The following TBC1D2 variants were observed in gnomAD, a reference collection of about 807,000 sequenced individuals.
TBC1D2 encodes the protein TBC1 domain family member 2A.
Under a neutral mutation model 91.1 loss-of-function variants are expected in TBC1D2, and 58 were observed. The ratio of observed to expected loss-of-function variants is 0.64; its 90% CI spans 0.52 to 0.79. The LOEUF (loss-of-function observed/expected upper bound fraction) is 0.79. Among genes scored for constraint, TBC1D2 ranks in the 30% least tolerant of loss-of-function variants. The probability of loss-of-function intolerance (pLI) is 0.00; values close to 1 mark genes in which losing one functional copy is unlikely to be tolerated. For missense variants in TBC1D2, 1,080 were observed against 1,208.3 expected (o/e 0.89, Z 1.57); for synonymous variants, 482 against 511.5 (o/e 0.94, Z 0.78).
intron 8 of TBC1D2, among the ~76,000 whole-genome samples, chr9:98,210,042 G>C (rs974402094): frequency 6.6e-6 from 1 of 151,374 alleles, no homozygotes; most frequent in African/African-American, 2.4e-5. Flanking sequence ...CCCAGGCTGG[G>C]CTCAAACTCC....
intron 7 of TBC1D2, 68 bp from the exon 8 acceptor site, chr9:98,210,911 G>GAGGCCTC (rs1828821609): frequency 7.0e-7 from 1 of 1,438,602 alleles, no homozygotes. Flanking sequence ...CCTGAGGCCT[G>GAGGCCTC]AACAGCTTTA....
intron 6 of TBC1D2, among the ~76,000 whole-genome samples, chr9:98,216,260 G>A (rs3758258): frequency 0.22 from 33,819 of 152,014 alleles, 4,200 homozygotes; most frequent in African/African-American, 0.33. Context: ...CGTGAGCATC[G>A]TCTCCCTCAC....
chr9:98,220,757 G>A (rs1402731350), intron 6 of TBC1D2, 76 bp downstream of exon 6: 1 of 1,563,202 alleles, frequency 6.4e-7, no homozygotes, highest in African/African-American at 1.4e-5. Context: ...AACCCTTAGG[G>A]GTGGAGAGCG....
At chr9:98,234,308 A>C (rs1224314536) in intron 3 of TBC1D2, among the ~76,000 whole-genome samples, 1 of 152,228 alleles carries the variant, frequency 6.6e-6, no homozygotes, top group African/African-American at 2.4e-5. Flanking sequence ...GGTTTATAGA[A>C]GGGAACTAGA....
At chr9:98,248,368 T>G (rs1338510137) in intron 2 of TBC1D2, among the ~76,000 whole-genome samples, 1 of 152,220 alleles carries the variant, frequency 6.6e-6, no homozygotes. Context: ...ATGCCCTCCA[T>G]GAGTGACCAC....
intron 5 of TBC1D2, among the ~76,000 whole-genome samples, chr9:98,227,330 C>T (rs1035184520): frequency 1.3e-5 from 2 of 152,198 alleles, no homozygotes; most frequent in Admixed American, 1.3e-4. Context: ...TCTTTCCCAG[C>T]ACCTGGAACA....
intron 11 of TBC1D2, 56 bp downstream of exon 11, chr9:98,201,423 G>C (rs1564229291): frequency 6.6e-7 from 1 of 1,526,428 alleles, no homozygotes; most frequent in East Asian, 2.3e-5. Context: ...TCAAGACGCA[G>C]ATGGGTGAAG....
rs1829693056 is a variant in TBC1D2 at position 98,243,427 on chromosome 9, C to G, written c.647+567G>C. On this transcript the variant is annotated intron_variant, in intron 3 of 12. Coordinates refer to ENST00000465784, the MANE Select transcript of TBC1D2 (RefSeq NM_001267571.2). ...CCTCCTGCTCCAGCCTCCCTAGTAG[C>G]TGGGACTACAGGCTGTGAGCCACCT... is the stretch of plus-strand genomic sequence containing the variant. Among the ~76,000 whole-genome samples the G allele has an allele frequency of 2.6e-5, 4 of 152,200 alleles. No individual in the cohort carries two copies. In the South Asian group the frequency reaches 6.2e-4, roughly 24 times the overall value.
In TBC1D2 at chr9:98,216,384, A is replaced by T. The variant is rs3758256; in HGVS notation, c.1375-3166T>A. 6.6e-4 allele frequency among the ~76,000 whole-genome samples: 101 copies of T among 152,306 alleles called. 2 individuals are homozygous for T. The East Asian group carries it at 0.019, about 28-fold the overall frequency. ...GGAAAATACAACAAGCCCCCCCGCA[A>T]GGGAGGAAAGGACCTACCATGACCT... On this transcript the variant is annotated intron_variant, in intron 6 of 12. Coordinates refer to ENST00000465784, the MANE Select transcript of TBC1D2 (RefSeq NM_001267571.2).
At chr9:98,211,215 C>T (rs1828828987) in intron 7 of TBC1D2, among the ~76,000 whole-genome samples, 1 of 152,350 alleles carries the variant, frequency 6.6e-6, no homozygotes, top group Admixed American at 6.5e-5. Context: ...GAGGATCATA[C>T]AGAGTCTGCC....
At chr9:98,236,588 T>C (rs1829510612) in intron 3 of TBC1D2, among the ~76,000 whole-genome samples, 1 of 152,222 alleles carries the variant, frequency 6.6e-6, no homozygotes, top group Non-Finnish European at 1.5e-5. Context: ...TAGAGTCCAG[T>C]AGCTTGATAC....
chr9:98,213,458 G>C, intron 6 of TBC1D2: 2 of 1,312,226 alleles, frequency 1.5e-6, no homozygotes, highest in South Asian at 3.2e-5. Context: ...TGATGTTCTG[G>C]CTGGAAGGCC....
At chr9:98,209,235 C>T in intron 8 of TBC1D2, 91 bp from the exon 9 acceptor site, 1 of 1,277,394 alleles carries the variant, frequency 7.8e-7, no homozygotes, top group Non-Finnish European at 1.1e-6. Context: ...GGCCAGGTTC[C>T]TGCCCTGCCT....
chr9:98,250,900 C>A (rs144190375), intron 2 of TBC1D2, among the ~76,000 whole-genome samples: 4 of 152,270 alleles, frequency 2.6e-5, no homozygotes, highest in African/African-American at 7.2e-5. Context: ...GACTCTTCCA[C>A]GTTGGGATGA....
intron 1 of TBC1D2, among the ~76,000 whole-genome samples, chr9:98,253,620 T>A (rs1442077149): frequency 6.6e-6 from 1 of 152,202 alleles, no homozygotes; most frequent in African/African-American, 2.4e-5. Context: ...TTTCCTAATT[T>A]GCTCACGGTG....
Position 98,228,431 on chromosome 9 carries a change from C to T in TBC1D2, c.978+521G>A, listed in dbSNP as rs1392642790. ...CTCTTGTAACTCTCGTAATTAACTT[C>T]TTACCATATTAAGCCCAAATATTCC... is the stretch of plus-strand genomic sequence containing the variant. On this transcript the variant is annotated intron_variant, in intron 5 of 12. Transcript: ENST00000465784. The surrounding 1 kb of genome is among the most constrained non-coding windows in gnomAD (Gnocchi z 4.0). 6.6e-6 allele frequency among the ~76,000 whole-genome samples: 1 copy of T among 152,240 alleles called. No homozygotes were observed. Among genetic ancestry groups the T allele is most frequent in the Non-Finnish European group, 1.5e-5 (1 of 68,036 alleles).
In TBC1D2 at chr9:98,199,595, G is replaced by A. The variant is rs1588023024; in HGVS notation, c.2580-7C>T. ...GGCGATGTTCATCAGCTTCCTGGGA[G>A]GAGGGCACAATCAGCCCAGAGCACG... On this transcript the variant is annotated splice_polypyrimidine_tract_variant and splice_region_variant and intron_variant, in intron 12 of 12. Transcript: ENST00000465784. 6.2e-7 allele frequency: 1 copy of A among 1,613,866 alleles called. No individual in the cohort carries two copies. The highest frequency in any genetic ancestry group is 8.5e-7 in the Non-Finnish European group (1 of 1,180,030).
rs1828453655 is a variant in TBC1D2 at position 98,200,282 on chromosome 9, G to A, written c.2550C>T (p.Arg850=). The A allele has an allele frequency of 6.2e-7, 1 of 1,614,030 alleles. No individual in the cohort carries two copies. Among genetic ancestry groups the A allele is most frequent in the South Asian group, 1.1e-5 (1 of 91,056 alleles). Residue 850 remains arginine (R), a synonymous_variant, in exon 12 of 13, where the codon CGC becomes CGT. Transcript: ENST00000465784. ...TGTTGGAGATGGTCTTGGTGAAGAA[G>A]CGCAGGTACTGGTAGATTTCCAGGC... ...QNGLEIYQYL[R]FFTKTISNSR...
chr9:98,204,713 C>T (rs1307323153), intron 9 of TBC1D2, among the ~76,000 whole-genome samples: 2 of 152,288 alleles, frequency 1.3e-5, no homozygotes, highest in African/African-American at 2.4e-5. Flanking sequence ...GATATTTGTA[C>T]AAAACCTTCC....
Sources: allele counts gnomAD v4.1 joint callset (sites outside exome capture counted in the v4.1 genomes callset), GRCh38; gene constraint gnomAD v4.1.1; non-coding constraint Gnocchi (gnomAD v3.1); transcripts MANE v1.5; gene names NCBI Gene and HGNC (gene_info 2026-07-23, HGNC 2026-07-21).